WASHC2C: variants seen among roughly 807,000 people sequenced by gnomAD.
WASHC2C encodes WASH complex subunit 2C, also known as Vaccinia Penetration Factor.
A neutral mutation model predicts 142.2 loss-of-function variants in WASHC2C; 73 were observed. The observed-to-expected ratio is 0.51, with a 90% CI of 0.43 to 0.62. The LOEUF (loss-of-function observed/expected upper bound fraction) is 0.62, where lower values mean the gene tolerates loss of function less well. WASHC2C is among the 20% of genes least tolerant of loss of function. WASHC2C has a pLI of 0.00. For synonymous variants in WASHC2C, 337 were observed against 565.5 expected, an observed-to-expected ratio of 0.60 and a Z score of 5.73; for missense variants, 969 against 1,531.7, an observed-to-expected ratio of 0.63 and a Z score of 6.13.
intron 20 of WASHC2C, among the ~76,000 whole-genome samples, chr10:45,772,872 C>T (rs1334144578): frequency 7.9e-5 from 12 of 152,192 alleles, no homozygotes; most frequent in Non-Finnish European, 1.5e-4. Flanking sequence ...TCTTGGCAAC[C>T]GTCTTCATGA....
At chr10:45,735,818 C>T (rs1461645837) in intron 3 of WASHC2C, among the ~76,000 whole-genome samples, 4 of 152,128 alleles carry the variant, frequency 2.6e-5, no homozygotes, top group Admixed American at 6.5e-5. Context: ...CCATTGCTGG[C>T]AAAGGTTTGG....
In WASHC2C at chr10:45,750,793, C is replaced by T. The variant is rs1180052625; in HGVS notation, c.886C>T (p.Arg296Cys). 2 of 1,548,598 alleles carry T rather than the reference C, an allele frequency of 1.3e-6. No homozygotes were observed. Among genetic ancestry groups the T allele is most frequent in the Non-Finnish European group, 8.7e-7 (1 of 1,147,150 alleles). The change falls in exon 10 of 31, where the codon CGC (arginine) becomes TGC (cysteine). Residue 296 changes from arginine (R) to cysteine (C), a missense_variant. By Grantham distance (180) the Arg-to-Cys change is radical. Coordinates refer to ENST00000623400, the MANE Select transcript of WASHC2C (RefSeq NM_001330074.2). ...ATCGTTTGCAGATGAGCTGGCTGCC[C>T]GCATCAAGGGGGATGCCATGGGTCG... is the stretch of plus-strand genomic sequence containing the variant. ...PTSFADELAA[R>C]IKGDAMGRVD...
intron 15 of WASHC2C, among the ~76,000 whole-genome samples, chr10:45,755,440 C>A (rs1326850576): frequency 6.6e-6 from 1 of 152,290 alleles, no homozygotes; most frequent in African/African-American, 2.4e-5. Context: ...TTCTTCCAGC[C>A]GACCTTAGTC....
rs189629786 is a variant in WASHC2C at position 45,755,075 on chromosome 10, C to A, written c.1380C>A (p.Asp460Glu). Reference sequence around the variant, plus strand: ...ATGATGATGATGGTGATGATGATGACGACTTTTTCTCGGCACCCCACAGCA... The same window carrying A: ...ATGATGATGATGGTGATGATGATGAAGACTTTTTCTCGGCACCCCACAGCA... ...LFDDDDGDDDDDFFSAPHSKP... is the reference protein window; with the variant it reads ...LFDDDDGDDDEDFFSAPHSKP... Residue 460 changes from aspartate (D) to glutamate (E), a missense_variant, in exon 15 of 31, where the codon GAC becomes GAA. Transcript: ENST00000623400. The A allele has an allele frequency of 1.9e-6, 3 of 1,611,208 alleles. No individual in the cohort carries two copies. The Admixed American group carries it at 5.0e-5, about 27-fold the overall frequency.
intron 23 of WASHC2C, among the ~76,000 whole-genome samples, chr10:45,779,723 A>T (rs1554887518): frequency 6.6e-6 from 1 of 152,128 alleles, no homozygotes; most frequent in Non-Finnish European, 1.5e-5. Context: ...ATGGTGGCTC[A>T]CACCTGTAAT....
At chr10:45,728,150 A>G (rs965066658) in intron 2 of WASHC2C, among the ~76,000 whole-genome samples, 8 of 152,082 alleles carry the variant, frequency 5.3e-5, no homozygotes, top group Admixed American at 5.2e-4. Context: ...CAGCGTCCTG[A>G]GTAGCTGGGA....
chr10:45,763,185 T>G (rs2055352530), intron 17 of WASHC2C, among the ~76,000 whole-genome samples: 1 of 152,146 alleles, frequency 6.6e-6, no homozygotes, highest in Admixed American at 6.5e-5. Context: ...GTAGCTCTCC[T>G]CCTCCTTAGC....
intron 11 of WASHC2C, 79 bp from the exon 12 acceptor site, chr10:45,752,509 C>T: frequency 8.7e-7 from 1 of 1,149,168 alleles, no homozygotes; most frequent in Non-Finnish European, 1.3e-6. Context: ...TTTGGAGACA[C>T]AGCAGATGCC....
At chr10:45,784,274 A>ATATATG in intron 23 of WASHC2C, among the ~76,000 whole-genome samples, 1 of 6,262 alleles carries the variant, frequency 1.6e-4, no homozygotes, top group Non-Finnish European at 4.9e-4. Context: ...ATATATATAT[A>ATATATG]TATATATATA....
chr10:45,758,023 A>C (rs1212609328), intron 16 of WASHC2C, among the ~76,000 whole-genome samples: 6 of 151,832 alleles, frequency 4.0e-5, no homozygotes, highest in Admixed American at 6.6e-5. Context: ...TTTGGTTGTC[A>C]TGTCTCTTTG....
chr10:45,772,145 CAG>C (rs1425975308), intron 20 of WASHC2C, among the ~76,000 whole-genome samples: 14 of 152,050 alleles, frequency 9.2e-5, no homozygotes, highest in African/African-American at 3.4e-4. Flanking sequence ...AAGCTGGTCA[CAG>C]AAAACCACAT....
At chr10:45,731,622 A>C (rs1198078646) in intron 3 of WASHC2C, among the ~76,000 whole-genome samples, 1 of 151,158 alleles carries the variant, frequency 6.6e-6, no homozygotes, top group Non-Finnish European at 1.5e-5. Context: ...TCTTCTCCGG[A>C]TGTGCTGGTT....
intron 2 of WASHC2C, among the ~76,000 whole-genome samples, chr10:45,728,461 G>C (rs559304467): frequency 3.9e-5 from 6 of 152,098 alleles, no homozygotes; most frequent in Non-Finnish European, 8.8e-5. Context: ...CATTCCGGCC[G>C]GGCACAGTGG....
At chr10:45,764,473 C>A (rs1431882819) in intron 18 of WASHC2C, among the ~76,000 whole-genome samples, 1 of 150,962 alleles carries the variant, frequency 6.6e-6, no homozygotes, top group African/African-American at 2.5e-5. Flanking sequence ...ACCCAATGAC[C>A]TACAAGAATG....
At chr10:45,749,393 C>G (rs1364878235) in intron 8 of WASHC2C, among the ~76,000 whole-genome samples, 1 of 150,782 alleles carries the variant, frequency 6.6e-6, no homozygotes, top group Admixed American at 6.6e-5. Flanking sequence ...CGAGATCACC[C>G]CATTGCACTT....
Position 45,785,508 on chromosome 10 carries a change from G to A in WASHC2C, c.2689-1G>A. ...TTTTTGGTATTTTTTTTCTTTTGAA[G>A]GTACAAGAGAAAAAGAGAGTAGTGA... On this transcript the variant is annotated splice_acceptor_variant, in intron 25 of 30. Transcript: ENST00000623400. LOFTEE classifies it high-confidence loss of function. 1 of 1,611,660 alleles carries A rather than the reference G, an allele frequency of 6.2e-7. No homozygotes were observed. Among genetic ancestry groups the A allele is most frequent in the Non-Finnish European group, 8.5e-7 (1 of 1,179,346 alleles).
At chr10:45,727,379 C>G (rs551055614) in intron 1 of WASHC2C, 38 bp from the exon 2 acceptor site, 1 of 1,608,868 alleles carries the variant, frequency 6.2e-7, no homozygotes, top group South Asian at 1.1e-5. Flanking sequence ...CCCTGCCGCC[C>G]TCAGGCTCAG....
intron 26 of WASHC2C, chr10:45,785,848 T>G (rs2058003163): frequency 3.3e-6 from 3 of 900,334 alleles, no homozygotes; most frequent in Admixed American, 6.8e-5. Flanking sequence ...ATAGTTAGTG[T>G]TTTTTGATGC....
intron 25 of WASHC2C, 150 bp from the exon 26 acceptor site, chr10:45,785,359 A>G (rs574120811): frequency 1.6e-5 from 14 of 879,348 alleles, no homozygotes; most frequent in Middle Eastern, 3.4e-4. Flanking sequence ...TCAGAATGCT[A>G]TTTCTGAAAT....
Sources: allele counts gnomAD v4.1 joint callset (sites outside exome capture counted in the v4.1 genomes callset), GRCh38; gene constraint gnomAD v4.1.1; transcripts MANE v1.5; gene names NCBI Gene and HGNC (gene_info 2026-07-23, HGNC 2026-07-21).